The following KLHL20 variants were observed in gnomAD, a reference collection of about 807,000 sequenced individuals.
The protein encoded by KLHL20 is kelch like family member 20, also known as kelch-like protein 20.
In KLHL20, 29 loss-of-function variants were observed where a neutral mutation model predicts 69.5. That is an observed-to-expected ratio of 0.42 (90% CI 0.31 to 0.57). The LOEUF (loss-of-function observed/expected upper bound fraction) is 0.57, where lower values mean the gene tolerates loss of function less well. Ranked by LOEUF, KLHL20 falls within the 20% of genes least tolerant of loss-of-function variation. The probability of loss-of-function intolerance (pLI) is 0.18; values close to 1 mark genes in which losing one functional copy is unlikely to be tolerated. For synonymous variants in KLHL20, 253 were observed against 265.2 expected (o/e 0.95, Z 0.45); for missense variants, 419 against 776.0 (o/e 0.54, Z 5.47).
intron 8 of KLHL20, among the ~76,000 whole-genome samples, chr1:173,770,673 T>A (rs1648029753): frequency 8.1e-6 from 1 of 122,808 alleles, no homozygotes; most frequent in Non-Finnish European, 1.6e-5. Context: ...AGAGCAAAAC[T>A]CTCTCTCAAA....
intron 7 of KLHL20, among the ~76,000 whole-genome samples, 161 bp from the exon 8 acceptor site, chr1:173,765,985 T>C (rs1254393359): frequency 6.6e-6 from 1 of 151,998 alleles, no homozygotes; most frequent in African/African-American, 2.4e-5. Flanking sequence ...TTTCAAAAAA[T>C]AAAAACACAA....
At chr1:173,763,344 C>T (rs1647444069) in intron 7 of KLHL20, among the ~76,000 whole-genome samples, 1 of 152,088 alleles carries the variant, frequency 6.6e-6, no homozygotes, top group African/African-American at 2.4e-5. Flanking sequence ...CAATCACCAT[C>T]AGAATACCAC....
intron 2 of KLHL20, among the ~76,000 whole-genome samples, chr1:173,729,588 T>A (rs1300601612): frequency 1.3e-5 from 2 of 152,136 alleles, no homozygotes; most frequent in African/African-American, 4.8e-5. Flanking sequence ...TCAATAAACA[T>A]AATCAGTTAC....
At chr1:173,770,961 G>A (rs1648055124) in intron 8 of KLHL20, among the ~76,000 whole-genome samples, 1 of 151,984 alleles carries the variant, frequency 6.6e-6, no homozygotes, top group Admixed American at 6.5e-5. Context: ...TGAAGAAAAA[G>A]AAAAAATTCC....
chr1:173,727,705 G>T (rs1672044707), intron 2 of KLHL20, among the ~76,000 whole-genome samples: 1 of 152,170 alleles, frequency 6.6e-6, no homozygotes, highest in Non-Finnish European at 1.5e-5. Context: ...AATGCTGAGA[G>T]ATTTTGTCAC....
chr1:173,752,960 G>C (rs1276332081), intron 4 of KLHL20, among the ~76,000 whole-genome samples: 1 of 152,036 alleles, frequency 6.6e-6, no homozygotes, highest in Non-Finnish European at 1.5e-5. Flanking sequence ...TTGAGCTCAG[G>C]TGTTTGAGAC....
intron 2 of KLHL20, among the ~76,000 whole-genome samples, chr1:173,725,451 C>A (rs1449322019): frequency 2.0e-5 from 3 of 152,142 alleles, no homozygotes; most frequent in Non-Finnish European, 4.4e-5. Context: ...CAAGAATGGG[C>A]TGTTTTCATA....
chr1:173,730,057 G>A (rs1343009608), intron 2 of KLHL20, among the ~76,000 whole-genome samples: 1 of 151,420 alleles, frequency 6.6e-6, no homozygotes, highest in Non-Finnish European at 1.5e-5. Flanking sequence ...AAATCACAAG[G>A]ATTCTTATAC....
In KLHL20 at chr1:173,733,720, A is replaced by G; in HGVS notation, c.31A>G (p.Asn11Asp). The G allele has an allele frequency of 1.2e-6, 2 of 1,611,990 alleles. No homozygotes were observed. The highest frequency in any genetic ancestry group is 1.7e-6 in the Non-Finnish European group (2 of 1,178,702). MEGKPMRRCT[N>D]IRPGETGMDV... ...CCCCCATCATTCCTATAGGTGTACCAACATTCGACCAGGAGAGACTGGAAT... is the reference window on the plus strand; with the variant it reads ...CCCCCATCATTCCTATAGGTGTACCGACATTCGACCAGGAGAGACTGGAAT... The change falls in exon 3 of 12, where the codon AAC becomes GAC. Residue 11 changes from asparagine (N) to aspartate (D), a missense_variant. Asn to Asp is a conservative substitution (Grantham distance 23). This residue lies in a region of KLHL20 where 129 missense variants were observed against 183.6 expected (regional missense o/e 0.70). Transcript: ENST00000209884.
At chr1:173,781,059 A>AGGTG (rs1648843184) in intron 10 of KLHL20, among the ~76,000 whole-genome samples, 1 of 42,356 alleles carries the variant, frequency 2.4e-5, no homozygotes, top group Non-Finnish European at 5.5e-5. Flanking sequence ...GAGGTGGGGG[A>AGGTG]GGGGAGGGGA....
intron 8 of KLHL20, among the ~76,000 whole-genome samples, chr1:173,773,568 T>C (rs1399644697): frequency 6.6e-6 from 1 of 152,144 alleles, no homozygotes; most frequent in Non-Finnish European, 1.5e-5. Context: ...AAAAGACTTC[T>C]ACTTTCTAAT....
In KLHL20 at chr1:173,785,759, AC is replaced by A. The variant is rs1649170528; in HGVS notation, c.*513del. Reference sequence around the variant, plus strand: ...GACTTGAAAATCTTAAAAAAAAAAAACAAAAAAACAAGAAAAGGCAACATCT... The same window carrying A: ...GACTTGAAAATCTTAAAAAAAAAAAAAAAAAAACAAGAAAAGGCAACATCT... On this transcript the variant is annotated 3_prime_UTR_variant, in exon 12 of 12. Coordinates refer to ENST00000209884, the MANE Select transcript of KLHL20 (RefSeq NM_014458.4). 1.3e-5 allele frequency: 2 copies of A among 151,914 alleles called. No individual in the cohort carries two copies. Among genetic ancestry groups the A allele is most frequent in the South Asian group, 2.1e-4 (1 of 4,822 alleles). 9.4% of individuals were successfully genotyped at this position (151,914 alleles called of 1,614,324 possible).
In KLHL20 at chr1:173,768,383, T is replaced by C. The variant is rs566059501; in HGVS notation, c.1295+2094T>C. ...TTCATCCTCACATCTTAAAAAGAAA[T>C]GAGTCATGACTCTAAAATTTTTGAG... On this transcript the variant is annotated intron_variant, in intron 8 of 11. Coordinates refer to ENST00000209884, the MANE Select transcript of KLHL20 (RefSeq NM_014458.4). Among the ~76,000 whole-genome samples, 6 of 152,298 alleles carry C rather than the reference T, an allele frequency of 3.9e-5. No homozygotes were observed. The South Asian group carries it at 1.0e-3, about 26-fold the overall frequency.
At chr1:173,756,895 G>A in intron 6 of KLHL20, 81 bp from the exon 7 acceptor site, 2 of 1,346,166 alleles carry the variant, frequency 1.5e-6, no homozygotes, top group South Asian at 2.7e-5. Context: ...CTAAGCATTA[G>A]GTCACAGTGA....
At chr1:173,759,232 G>A (rs1465902800) in intron 7 of KLHL20, among the ~76,000 whole-genome samples, 2 of 152,022 alleles carry the variant, frequency 1.3e-5, no homozygotes, top group East Asian at 3.9e-4. Flanking sequence ...AACAAGACCC[G>A]CCCAAGGAGA....
chr1:173,724,092 G>A (rs896520616), intron 2 of KLHL20, among the ~76,000 whole-genome samples: 1 of 151,598 alleles, frequency 6.6e-6, no homozygotes, highest in South Asian at 2.1e-4. Context: ...CGCAATCAAG[G>A]TTCTAAACAT....
At chr1:173,739,404 C>T (rs1672688898) in intron 3 of KLHL20, among the ~76,000 whole-genome samples, 2 of 152,016 alleles carry the variant, frequency 1.3e-5, no homozygotes, top group Admixed American at 1.3e-4. Flanking sequence ...TAGACTTCAG[C>T]TGTGAATCCA....
intron 7 of KLHL20, among the ~76,000 whole-genome samples, chr1:173,765,139 A>AAAC (rs1257735984): frequency 6.6e-6 from 1 of 151,924 alleles, no homozygotes; most frequent in African/African-American, 2.4e-5. Flanking sequence ...CCCAACAAAC[A>AAAC]AACAAAAATC....
At chr1:173,718,425 G>A (rs938601731) in intron 2 of KLHL20, among the ~76,000 whole-genome samples, 5 of 151,764 alleles carry the variant, frequency 3.3e-5, no homozygotes, top group African/African-American at 9.7e-5. Flanking sequence ...GATGCCTGAA[G>A]TTCTAGCTAC....
Sources: allele counts gnomAD v4.1 joint callset (sites outside exome capture counted in the v4.1 genomes callset), GRCh38; gene constraint gnomAD v4.1.1; regional missense constraint gnomAD v4.1.1; transcripts MANE v1.5; gene names NCBI Gene and HGNC (gene_info 2026-07-23, HGNC 2026-07-21).